ARHGEF11: variants seen among roughly 807,000 people sequenced by gnomAD.
ARHGEF11 encodes the protein Rho guanine exchange factor (GEF) 11.
Under a neutral mutation model 193.7 loss-of-function variants are expected in ARHGEF11, and 55 were observed. That is an observed-to-expected ratio of 0.28 (90% confidence interval 0.23 to 0.36). ARHGEF11 has a LOEUF of 0.36. Ranked by LOEUF, ARHGEF11 falls within the 10% of genes least tolerant of loss-of-function variation. The pLI, the probability that ARHGEF11 is intolerant of heterozygous loss-of-function variation, is 1.00. For synonymous variants in ARHGEF11, 693 were observed against 768.0 expected (o/e 0.90, Z 1.62); for missense variants, 1,723 against 2,005.6 (o/e 0.86, Z 2.69).
chr1:156,954,949 G>A (rs1659732437), intron 20 of ARHGEF11, 28 bp from the exon 21 acceptor site: 1 of 1,587,422 alleles, frequency 6.3e-7, no homozygotes, highest in Non-Finnish European at 8.6e-7. Context: ...AAAAACAAAA[G>A]TAAACCATGA....
intron 1 of ARHGEF11, among the ~76,000 whole-genome samples, chr1:157,010,960 T>C (rs1050900538): frequency 1.3e-5 from 2 of 152,194 alleles, no homozygotes; most frequent in African/African-American, 4.8e-5. Flanking sequence ...ACAGATTAAA[T>C]GAAATCCCTA....
chr1:156,956,194 G>GCAACCTC (rs1224611878), intron 19 of ARHGEF11, among the ~76,000 whole-genome samples: 2 of 152,030 alleles, frequency 1.3e-5, no homozygotes, highest in African/African-American at 4.8e-5. Context: ...TTGGCTCACT[G>GCAACCTC]CAACCTCCAA....
Position 157,041,623 on chromosome 1 carries a change from T to C in ARHGEF11, c.32+2676A>G, listed in dbSNP as rs1672762410. On this transcript the variant is annotated intron_variant, in intron 1 of 40. Coordinates refer to ENST00000368194, the MANE Select transcript of ARHGEF11 (RefSeq NM_198236.3). ...TACATTTGAAATTAACACGTGAATG[T>C]TGAAACAACCCGCAATGAAATAATT... 2.0e-5 allele frequency among the ~76,000 whole-genome samples: 3 copies of C among 152,230 alleles called. No individual in the cohort carries two copies. In the South Asian group the frequency reaches 6.2e-4, roughly 31 times the overall value.
At chr1:156,946,207 G>C in intron 28 of ARHGEF11, 45 bp from the exon 29 acceptor site, 8 of 1,564,802 alleles carry the variant, frequency 5.1e-6, no homozygotes, top group Non-Finnish European at 7.0e-6. Context: ...CAGCGTGGCT[G>C]GGAGCTGGCT....
intron 1 of ARHGEF11, among the ~76,000 whole-genome samples, chr1:156,996,156 A>G (rs11264593): frequency 0.22 from 33,769 of 152,130 alleles, 3,966 homozygotes; most frequent in East Asian, 0.36. Flanking sequence ...ACTTAGGCGG[A>G]GAGTACCACT....
At chr1:156,954,750 T>G in intron 21 of ARHGEF11, 142 bp downstream of exon 21, 2 of 781,498 alleles carry the variant, frequency 2.6e-6, no homozygotes, top group Non-Finnish European at 4.3e-6. Flanking sequence ...GAGCAACGCA[T>G]AAGAGAAATG....
At chr1:156,939,498 C>A in intron 37 of ARHGEF11, 50 bp downstream of exon 37, 1 of 1,601,222 alleles carries the variant, frequency 6.2e-7, no homozygotes, top group East Asian at 2.2e-5. Context: ...AGACTTATCT[C>A]ACCTAGCAAG....
intron 11 of ARHGEF11, among the ~76,000 whole-genome samples, chr1:156,966,336 C>A (rs1276029771): frequency 6.6e-6 from 1 of 152,224 alleles, no homozygotes; most frequent in Non-Finnish European, 1.5e-5. Context: ...AATAAATATG[C>A]TTTCACTGCA....
At chr1:156,994,697 G>A (rs2102593795) in intron 1 of ARHGEF11, among the ~76,000 whole-genome samples, 1 of 152,310 alleles carries the variant, frequency 6.6e-6, no homozygotes, top group South Asian at 2.1e-4. Context: ...TCAGCACACA[G>A]GACATGTGGT....
intron 1 of ARHGEF11, among the ~76,000 whole-genome samples, chr1:157,000,353 A>G (rs1667070107): frequency 6.6e-6 from 1 of 152,246 alleles, no homozygotes. Context: ...ATAATACCTT[A>G]AATATAAATT....
intron 22 of ARHGEF11, among the ~76,000 whole-genome samples, chr1:156,950,649 G>GA (rs953834834): frequency 2.9e-4 from 44 of 150,414 alleles, no homozygotes; most frequent in East Asian, 1.8e-3. Flanking sequence ...CTTTAAAAAA[G>GA]AAAAAAAAAT....
rs1376601420 is a variant in ARHGEF11 at position 156,939,692 on chromosome 1, C to T, written c.3952G>A (p.Glu1318Lys). Residue 1318 changes from glutamate (E) to lysine (K), a missense_variant, in exon 37 of 41, where the codon GAA becomes AAA. Coordinates refer to ENST00000368194, the MANE Select transcript of ARHGEF11 (RefSeq NM_198236.3). ...AGLEGERPEQEDMGLCSLEHL... is the reference protein window; with the variant it reads ...AGLEGERPEQKDMGLCSLEHL... The stretch of plus-strand genomic sequence containing the variant: ...TCCAGAGAACAGAGACCCATGTCTT[C>T]CTGCTCTGGCCGTTCCCCCTCCAGC... 3.1e-6 allele frequency: 5 copies of T among 1,614,114 alleles called. No homozygotes were observed. The highest frequency in any genetic ancestry group is 4.2e-6 in the Non-Finnish European group (5 of 1,180,022).
chr1:156,973,526 A>G (rs1215369775), intron 7 of ARHGEF11, among the ~76,000 whole-genome samples: 2 of 152,116 alleles, frequency 1.3e-5, no homozygotes, highest in Admixed American at 1.3e-4. Flanking sequence ...AGGATATCCG[A>G]ATCTCTGTTT....
At chr1:156,964,608 T>G (rs1661442579) in intron 11 of ARHGEF11, among the ~76,000 whole-genome samples, 1 of 152,192 alleles carries the variant, frequency 6.6e-6, no homozygotes, top group African/African-American at 2.4e-5. Flanking sequence ...ATGCCCAGAA[T>G]GACTGAGTCA....
At position 156,957,815 on chromosome 1, in the gene ARHGEF11, C is replaced by T. The variant is rs200575849; in HGVS notation, c.1503G>A (p.Leu501=). Residue 501 remains leucine (L), a splice_region_variant and synonymous_variant, in exon 18 of 41, where the codon TTG becomes TTA. Transcript: ENST00000368194. The part of the protein sequence containing the change: ...EKQLAALGDI[L]SKYEEDRSAP... ...ACCTCCTGTCTTCCTCATACTTGGA[C>T]CTGGAATGGAAGAAAGAACAGATGA... 44 of 1,614,032 alleles carry T rather than the reference C, an allele frequency of 2.7e-5. No individual in the cohort carries two copies. The Middle Eastern group carries it at 4.9e-4, about 18-fold the overall frequency.
chr1:156,945,767 G>A (rs1235817423), intron 29 of ARHGEF11: 2 of 375,406 alleles, frequency 5.3e-6, no homozygotes, highest in Non-Finnish European at 9.8e-6. Flanking sequence ...TTGAGTGCCA[G>A]CCTGTGTTGG....
At chr1:157,020,692 G>C (rs1669864400) in intron 1 of ARHGEF11, among the ~76,000 whole-genome samples, 1 of 152,338 alleles carries the variant, frequency 6.6e-6, no homozygotes, top group African/African-American at 2.4e-5. Context: ...ATTTGCCTTT[G>C]TAATATAATA....
At chr1:157,024,970 CTA>C (rs1670471228) in intron 1 of ARHGEF11, among the ~76,000 whole-genome samples, 1 of 152,176 alleles carries the variant, frequency 6.6e-6, no homozygotes, top group Admixed American at 6.5e-5. Flanking sequence ...CCTGGAATGA[CTA>C]TTACTTTCCT....
At chr1:157,002,086 T>C (rs777297394) in intron 1 of ARHGEF11, among the ~76,000 whole-genome samples, 2 of 152,086 alleles carry the variant, frequency 1.3e-5, no homozygotes, top group Non-Finnish European at 2.9e-5. Flanking sequence ...GAGGAAGAGA[T>C]GAATGAACCA....
Sources: gnomAD v4.1 joint callset for allele counts (sites outside exome capture counted in the v4.1 genomes callset) on GRCh38, gnomAD v4.1.1 for gene constraint, MANE v1.5 for transcripts, NCBI Gene and HGNC (gene_info 2026-07-23, HGNC 2026-07-21) for gene names.